PCDH15: variants seen among roughly 807,000 people sequenced by gnomAD.
PCDH15 encodes the protein protocadherin related 15, also known as protocadherin-15.
Under a neutral mutation model 178.5 loss-of-function variants are expected in PCDH15, and 129 were observed. That is an observed-to-expected ratio of 0.72 (90% CI 0.63 to 0.84). The LOEUF is 0.84. PCDH15 is among the 40% of genes least tolerant of loss of function. The pLI is 0.00. For synonymous variants in PCDH15, 800 were observed against 732.0 expected (o/e 1.09, Z -1.50); for missense variants, 2,230 against 2,099.9 (o/e 1.06, Z -1.21).
chr10:55,186,944 T>C (rs998157212), intron 1 of PCDH15, among the ~76,000 whole-genome samples: 2 of 151,882 alleles, frequency 1.3e-5, no homozygotes, highest in African/African-American at 2.4e-5. Context: ...GGGAAGAAAA[T>C]GAAAATAAAA....
chr10:55,476,804 A>G (rs1840070785), intron 2 of PCDH15, among the ~76,000 whole-genome samples: 1 of 151,976 alleles, frequency 6.6e-6, no homozygotes, highest in Non-Finnish European at 1.5e-5. Flanking sequence ...AAATATAACT[A>G]AAGAGCATTG....
chr10:54,180,834 G>A (rs1047706843), intron 13 of PCDH15, among the ~76,000 whole-genome samples: 6 of 152,218 alleles, frequency 3.9e-5, no homozygotes, highest in Middle Eastern at 3.4e-3. Flanking sequence ...TGGGCATGCT[G>A]ACACAAACAA....
chr10:54,622,652 TACTA>T (rs2093406739), intron 2 of PCDH15, among the ~76,000 whole-genome samples: 1 of 93,842 alleles, frequency 1.1e-5, no homozygotes, highest in Non-Finnish European at 1.9e-5. Flanking sequence ...ATTATATATA[TACTA>T]TATAATATAT....
chr10:55,014,107 T>G (rs1359116957), intron 2 of PCDH15, among the ~76,000 whole-genome samples: 2 of 152,116 alleles, frequency 1.3e-5, no homozygotes, highest in Non-Finnish European at 2.9e-5. Context: ...CATTAAAATA[T>G]ATTTACATTT....
intron 2 of PCDH15, among the ~76,000 whole-genome samples, chr10:55,453,004 C>A (rs1839469524): frequency 1.3e-5 from 2 of 152,234 alleles, no homozygotes; most frequent in South Asian, 2.1e-4. Context: ...ACTATCTCTG[C>A]ATTTGTTGAA....
intron 26 of PCDH15, among the ~76,000 whole-genome samples, chr10:53,888,027 ACTC>A (rs1458064792): frequency 2.0e-5 from 3 of 151,652 alleles, no homozygotes; most frequent in Non-Finnish European, 2.9e-5. Context: ...TTTGACATCT[ACTC>A]CTTAATTTGG....
intron 2 of PCDH15, among the ~76,000 whole-genome samples, chr10:54,588,834 T>A (rs539243332): frequency 5.9e-5 from 9 of 152,194 alleles, no homozygotes; most frequent in South Asian, 2.1e-4. Context: ...TCATCCTTCT[T>A]AAGTGCTGGT....
In PCDH15 at chr10:54,032,569, T is replaced by C. The variant is rs147986458; in HGVS notation, c.2221-9372A>G. ...GAAATAAAAATTGCCAATTAGTATTTATAATTTTGTCTTAAAAGAAGGTAT... is the reference window on the plus strand; with the variant it reads ...GAAATAAAAATTGCCAATTAGTATTCATAATTTTGTCTTAAAAGAAGGTAT... On this transcript the variant is annotated intron_variant, in intron 18 of 37. Coordinates refer to ENST00000644397, the MANE Select transcript of PCDH15 (RefSeq NM_001384140.1). Among the ~76,000 whole-genome samples the C allele has an allele frequency of 3.0e-4, 45 of 152,182 alleles. No individual in the cohort carries two copies. In the East Asian group the frequency reaches 6.4e-3, roughly 22 times the overall value.
intron 26 of PCDH15, among the ~76,000 whole-genome samples, chr10:53,882,878 A>G (rs10825146): frequency 0.64 from 97,511 of 151,630 alleles, 31,874 homozygotes; most frequent in Middle Eastern, 0.79. Flanking sequence ...ATAGTCTTTT[A>G]TAATGTGTTT....
chr10:55,338,585 T>G (rs575905570), intron 2 of PCDH15, among the ~76,000 whole-genome samples: 1 of 152,188 alleles, frequency 6.6e-6, no homozygotes, highest in African/African-American at 2.4e-5. Context: ...TTGGCCAACA[T>G]GGTGAAATCC....
rs1355418468 is a variant in PCDH15, at chr10:53,863,555, AG to A, written c.3717+3086del. Reference sequence around the variant, plus strand: ...GAGGGTTTAAGAGAGGGTTTAAGAGAGGGTTCAATAGTGAGAAATAAGTCAA... The same window carrying A: ...GAGGGTTTAAGAGAGGGTTTAAGAGAGGTTCAATAGTGAGAAATAAGTCAA... On this transcript the variant is annotated intron_variant, in intron 27 of 37. Coordinates refer to ENST00000644397, the MANE Select transcript of PCDH15 (RefSeq NM_001384140.1). 3.3e-5 allele frequency among the ~76,000 whole-genome samples: 5 copies of A among 152,130 alleles called. No homozygotes were observed. The East Asian group carries it at 7.7e-4, about 24-fold the overall frequency.
upstream of PCDH15, among the ~76,000 whole-genome samples, chr10:54,802,088 G>C (rs1481786965): frequency 1.3e-5 from 2 of 152,194 alleles, no homozygotes; most frequent in African/African-American, 4.8e-5. Context: ...TGACAGAGCA[G>C]ATAGGCTGAG....
intron 1 of PCDH15, among the ~76,000 whole-genome samples, chr10:55,241,123 G>A (rs1010346934): frequency 1.3e-5 from 2 of 152,146 alleles, no homozygotes; most frequent in African/African-American, 4.8e-5. Flanking sequence ...GGCTGAGACA[G>A]GAGAATCGCT....
At chr10:54,489,350 A>T (rs1217876734) in intron 3 of PCDH15, among the ~76,000 whole-genome samples, 1 of 152,066 alleles carries the variant, frequency 6.6e-6, no homozygotes, top group African/African-American at 2.4e-5. Flanking sequence ...TTTTATACCT[A>T]ATACTATCTT....
At chr10:55,040,372 C>A (rs948497993) in intron 2 of PCDH15, among the ~76,000 whole-genome samples, 3 of 152,030 alleles carry the variant, frequency 2.0e-5, no homozygotes, top group African/African-American at 7.2e-5. Flanking sequence ...CTATGAACTA[C>A]AGGCCCAGAC....
chr10:54,321,748 G>GT (rs11420725), intron 7 of PCDH15, among the ~76,000 whole-genome samples: 38,178 of 151,654 alleles, frequency 0.25, 5,242 homozygotes, highest in African/African-American at 0.37. Context: ...CATAATAGGA[G>GT]TTTTTTCTCA....
intron 13 of PCDH15, among the ~76,000 whole-genome samples, chr10:54,170,186 C>T (rs547669015): frequency 6.7e-6 from 1 of 149,976 alleles, no homozygotes; most frequent in East Asian, 1.9e-4. Context: ...TTACCTATCT[C>T]AGCATAATTC....
At chr10:53,849,303 G>A (rs2078188847) in intron 28 of PCDH15, among the ~76,000 whole-genome samples, 1 of 151,834 alleles carries the variant, frequency 6.6e-6, no homozygotes, top group Non-Finnish European at 1.5e-5. Flanking sequence ...CTCTCAGATG[G>A]CAAGTGTTAA....
intron 2 of PCDH15, among the ~76,000 whole-genome samples, chr10:55,542,273 T>A (rs1250271461): frequency 6.6e-6 from 1 of 151,200 alleles, no homozygotes; most frequent in Non-Finnish European, 1.5e-5. Context: ...AGTATGTCTA[T>A]ATTATGTATA....
Sources: gnomAD v4.1 joint callset for allele counts (sites outside exome capture counted in the v4.1 genomes callset) on GRCh38, gnomAD v4.1.1 for gene constraint, MANE v1.5 for transcripts, NCBI Gene and HGNC (gene_info 2026-07-23, HGNC 2026-07-21) for gene names.